The following ACTN1 variants were observed in gnomAD, a reference collection of about 807,000 sequenced individuals.
ACTN1 encodes alpha-actinin-1.
Under a neutral mutation model 119.6 loss-of-function variants are expected in ACTN1, and 30 were observed. That is an observed-to-expected ratio of 0.25 (90% CI 0.19 to 0.34). The LOEUF (loss-of-function observed/expected upper bound fraction) is 0.34. ACTN1 is among the 10% of genes least tolerant of loss of function. ACTN1 has a pLI of 1.00. For synonymous variants in ACTN1, 429 were observed against 472.6 expected, an observed-to-expected ratio of 0.91 and a Z score of 1.20; for missense variants, 764 against 1,223.4, an observed-to-expected ratio of 0.62 and a Z score of 5.60.
intron 1 of ACTN1, among the ~76,000 whole-genome samples, chr14:68,936,180 G>T (rs1425970400): frequency 6.6e-6 from 1 of 152,172 alleles, no homozygotes; most frequent in Non-Finnish European, 1.5e-5. Context: ...CCTGTGTAGG[G>T]TTTATTCTGA....
chr14:68,933,943 G>C lies in ACTN1; in HGVS notation c.106-8271C>G, dbSNP rs201687560. Among the ~76,000 whole-genome samples the C allele has an allele frequency of 9.4e-5, 14 of 149,460 alleles. No homozygotes were observed. In the East Asian group the frequency reaches 2.8e-3, roughly 29 times the overall value. ...AGAGAGCCATGATTGTGTCACTACA[G>C]TCCAACCTGGGGTGACAGAGTGAGA... On this transcript the variant is annotated intron_variant, in intron 1 of 21. Coordinates refer to ENST00000394419, the MANE Select transcript of ACTN1 (RefSeq NM_001130004.2).
intron 1 of ACTN1, among the ~76,000 whole-genome samples, chr14:68,947,152 G>A (rs1256926365): frequency 6.6e-6 from 1 of 152,220 alleles, no homozygotes; most frequent in East Asian, 1.9e-4. Context: ...TCTGGTTCAG[G>A]AGTTCTGGGA....
At chr14:68,923,927 G>A (rs541670737) in intron 2 of ACTN1, among the ~76,000 whole-genome samples, 6 of 152,114 alleles carry the variant, frequency 3.9e-5, no homozygotes, top group South Asian at 2.1e-4. Flanking sequence ...AATGGAATAC[G>A]ATTCAGCCAT....
Position 68,885,029 on chromosome 14 carries a change from C to T in ACTN1, c.1386-146G>A. ...TCAAGAGACCTTCCAGGCACTCCTT[C>T]CACCCCTCCCCTCTTTCAGGAGACT... On this transcript the variant is annotated intron_variant, in intron 12 of 21. Transcript: ENST00000394419. The surrounding 1 kb of genome is among the most constrained non-coding windows in gnomAD (Gnocchi z 5.6). 1.5e-6 allele frequency: 1 copy of T among 655,830 alleles called. No individual in the cohort carries two copies. Among genetic ancestry groups the T allele is most frequent in the East Asian group, 2.7e-5 (1 of 36,888 alleles). 40.6% of individuals were successfully genotyped at this position (655,830 alleles called of 1,614,324 possible). A position where few individuals can be genotyped will look rare whatever the true frequency, so the allele number is the denominator to read the frequency against.
At chr14:68,887,896 G>C in intron 11 of ACTN1, 1 of 887,602 alleles carries the variant, frequency 1.1e-6, no homozygotes, top group Non-Finnish European at 1.9e-6. Context: ...TAGCCACTTC[G>C]GCCTGTTTTC....
intron 1 of ACTN1, among the ~76,000 whole-genome samples, chr14:68,929,363 C>T (rs1478302023): frequency 6.6e-6 from 1 of 152,146 alleles, no homozygotes; most frequent in Non-Finnish European, 1.5e-5. Context: ...CCCACGGCCC[C>T]AAGACCTCCA....
intron 1 of ACTN1, among the ~76,000 whole-genome samples, chr14:68,956,174 CA>C (rs921384763): frequency 4.8e-4 from 72 of 150,132 alleles, no homozygotes; most frequent in African/African-American, 1.5e-3. Context: ...GTCTCAAAAA[CA>C]AAAAAAAAGA....
intron 8 of ACTN1, among the ~76,000 whole-genome samples, chr14:68,900,365 T>C (rs1013709659): frequency 5.9e-5 from 9 of 152,010 alleles, no homozygotes; most frequent in Non-Finnish European, 1.3e-4. Flanking sequence ...CAACTGTCCA[T>C]GGCAGCCTGG....
chr14:68,878,150 C>G lies in ACTN1; in HGVS notation c.2427+308G>C. 1 of 306,250 alleles carries G rather than the reference C, an allele frequency of 3.3e-6. No individual in the cohort carries two copies. The highest frequency in any genetic ancestry group is 6.0e-6 in the Non-Finnish European group (1 of 165,572). The allele number at this position is 306,250 out of a possible 1,614,324, so 19.0% of individuals were successfully genotyped here. A position where few individuals can be genotyped will look rare whatever the true frequency, so the allele number is the denominator to read the frequency against. ...CATGCCAGCCCGAAACCTGGGATGT[C>G]CCACACCACCAGTCCTTCCTGCCAG... is the stretch of plus-strand genomic sequence containing the variant. On this transcript the variant is annotated intron_variant, in intron 20 of 21. Coordinates refer to ENST00000394419, the MANE Select transcript of ACTN1 (RefSeq NM_001130004.2). The surrounding 1 kb of genome is among the most constrained non-coding windows in gnomAD (Gnocchi z 4.4).
chr14:68,902,371 C>T (rs2033395800), intron 8 of ACTN1, 106 bp downstream of exon 8: 3 of 973,484 alleles, frequency 3.1e-6, no homozygotes, highest in Non-Finnish European at 4.9e-6. Flanking sequence ...GAGACCAGAC[C>T]ATCCAGATAC....
rs780194320 is a variant in ACTN1, at chr14:68,884,816, T to C, written c.1453A>G (p.Asn485Asp). 1 of 1,614,186 alleles carries C rather than the reference T, an allele frequency of 6.2e-7. No individual in the cohort carries two copies. The highest frequency in any genetic ancestry group is 8.5e-7 in the Non-Finnish European group (1 of 1,180,006). ...RCQKICDQWDNLGALTQKRRE... is the reference protein window; with the variant it reads ...RCQKICDQWDDLGALTQKRRE... ...CGCTTCTGAGTTAGGGCCCCCAGAT[T>C]GTCCCACTGGTCACAGATCTTTTGG... The change falls in exon 13 of 22, where the codon AAT (asparagine) becomes GAT (aspartate). Residue 485 changes from asparagine to aspartate, a missense_variant. Coordinates refer to ENST00000394419, the MANE Select transcript of ACTN1 (RefSeq NM_001130004.2).
chr14:68,938,580 A>T (rs563508740), intron 1 of ACTN1, among the ~76,000 whole-genome samples: 2 of 152,280 alleles, frequency 1.3e-5, no homozygotes, highest in African/African-American at 4.8e-5. Context: ...CAGACACTTA[A>T]ACAATGTTAA....
At position 68,961,564 on chromosome 14, in the gene ACTN1, G is replaced by C. The variant is rs2036542253; in HGVS notation, c.105+17388C>G. On this transcript the variant is annotated intron_variant, in intron 1 of 21. Transcript: ENST00000394419. ...GCCACACGGGGCACAGGGCGCGGGG[G>C]CACGGGGGTGGGCTATAGGCCCTAT... Among the ~76,000 whole-genome samples the C allele has an allele frequency of 1.3e-5, 2 of 152,188 alleles. 1 individual carries two copies. The highest frequency in any genetic ancestry group is 4.1e-4 in the South Asian group (2 of 4,832).
chr14:68,950,789 C>A (rs879870556), intron 1 of ACTN1, among the ~76,000 whole-genome samples: 1 of 152,160 alleles, frequency 6.6e-6, no homozygotes, highest in African/African-American at 2.4e-5. Flanking sequence ...TCTGGATCTA[C>A]TGACCTTGTG....
At chr14:68,921,484 G>A (rs1225284434) in intron 2 of ACTN1, 1 of 171,354 alleles carries the variant, frequency 5.8e-6, no homozygotes, top group Non-Finnish European at 1.2e-5. Flanking sequence ...TCCAGTAGGA[G>A]AGACAGACCT....
At chr14:68,928,599 C>T (rs1202284273) in intron 1 of ACTN1, among the ~76,000 whole-genome samples, 1 of 152,112 alleles carries the variant, frequency 6.6e-6, no homozygotes, top group African/African-American at 2.4e-5. Context: ...ACTTCAGTTC[C>T]CTTTGCAGTA....
chr14:68,918,939 C>G (rs1198909254), intron 3 of ACTN1, among the ~76,000 whole-genome samples: 1 of 152,180 alleles, frequency 6.6e-6, no homozygotes, highest in Non-Finnish European at 1.5e-5. Context: ...CCTCAGTTTC[C>G]TTAACTGTAA....
In ACTN1 at chr14:68,925,720, C is replaced by A. The variant is rs758646084; in HGVS notation, c.106-48G>T. 1.1e-5 allele frequency: 16 copies of A among 1,503,484 alleles called. No individual in the cohort carries two copies. The highest frequency in any genetic ancestry group is 1.5e-5 in the Non-Finnish European group (16 of 1,089,294). The allele number at this position is 1,503,484 out of a possible 1,614,324, so 93.1% of individuals were successfully genotyped here. On this transcript the variant is annotated intron_variant, in intron 1 of 21. Coordinates refer to ENST00000394419, the MANE Select transcript of ACTN1 (RefSeq NM_001130004.2). This position sits in a 1 kb window ranked among gnomAD's most constrained non-coding sequence, Gnocchi z 4.3. ...AGTGGTCAGGGGGCTGGTGTTGTCA[C>A]CCTCATTGGACAAGCCATTTAATGG...
At chr14:68,899,668 T>C (rs11621414) in intron 8 of ACTN1, among the ~76,000 whole-genome samples, 22,128 of 151,982 alleles carry the variant, frequency 0.15, 1,846 homozygotes, top group African/African-American at 0.21. Context: ...GCATCTCACA[T>C]TCCCTTCCAA....
Sources: allele counts gnomAD v4.1 joint callset (sites outside exome capture counted in the v4.1 genomes callset), GRCh38; gene constraint gnomAD v4.1.1; non-coding constraint Gnocchi (gnomAD v3.1); transcripts MANE v1.5; gene names NCBI Gene and HGNC (gene_info 2026-07-23, HGNC 2026-07-21).